The following SEMA3A variants were observed in gnomAD, a reference collection of about 807,000 sequenced individuals.
SEMA3A encodes semaphorin 3A, also known as semaphorin-3A.
In SEMA3A, 29 loss-of-function variants were observed where a neutral mutation model predicts 97.9. The ratio of observed to expected loss-of-function variants is 0.30; its 90% CI spans 0.22 to 0.40. SEMA3A has a LOEUF of 0.40. SEMA3A is among the 10% of genes least tolerant of loss of function. SEMA3A has a pLI of 1.00. For synonymous variants in SEMA3A, 321 were observed against 323.7 expected, an observed-to-expected ratio of 0.99 and a Z score of 0.09; for missense variants, 763 against 951.3, an observed-to-expected ratio of 0.80 and a Z score of 2.60.
chr7:84,208,991 A>T (rs1299711984), intron 3 of SEMA3A, among the ~76,000 whole-genome samples: 1 of 152,228 alleles, frequency 6.6e-6, no homozygotes, highest in Non-Finnish European at 1.5e-5. Context: ...TAACAAATGG[A>T]CTAGTGGCCT....
chr7:84,481,999 A>G (rs1468891399), intron 1 of SEMA3A, among the ~76,000 whole-genome samples: 4 of 151,742 alleles, frequency 2.6e-5, no homozygotes, highest in African/African-American at 9.6e-5. Context: ...TAAGAGTAAT[A>G]TAGCTTCTAC....
chr7:84,335,618 A>G (rs1196164571), intron 2 of SEMA3A, among the ~76,000 whole-genome samples: 1 of 152,132 alleles, frequency 6.6e-6, no homozygotes, highest in Admixed American at 6.6e-5. Flanking sequence ...ACATTTATGA[A>G]CTATGGAACA....
At chr7:84,095,490 T>A (rs1319169422) in intron 4 of SEMA3A, among the ~76,000 whole-genome samples, 1 of 150,612 alleles carries the variant, frequency 6.6e-6, no homozygotes, top group Non-Finnish European at 1.5e-5. Context: ...ATGTCAGACT[T>A]TATCTCTTTG....
chr7:84,462,143 T>C (rs576311001), intron 1 of SEMA3A, among the ~76,000 whole-genome samples: 1 of 152,154 alleles, frequency 6.6e-6, no homozygotes, highest in Non-Finnish European at 1.5e-5. Flanking sequence ...TATAAAGCAT[T>C]TTCCCATACA....
chr7:84,379,040 G>C (rs190139027), intron 1 of SEMA3A, among the ~76,000 whole-genome samples: 119 of 151,996 alleles, frequency 7.8e-4, no homozygotes, highest in African/African-American at 2.5e-3. Context: ...CCGTTCTCCT[G>C]CCTCAGCCTC....
intron 1 of SEMA3A, among the ~76,000 whole-genome samples, chr7:84,426,570 A>C (rs1481312139): frequency 6.6e-6 from 1 of 152,130 alleles, no homozygotes; most frequent in Non-Finnish European, 1.5e-5. Flanking sequence ...ATAACTTTTA[A>C]GAAGAAAATG....
chr7:83,995,337 TC>T (rs1292436998), intron 12 of SEMA3A, among the ~76,000 whole-genome samples: 2 of 151,808 alleles, frequency 1.3e-5, no homozygotes, highest in Non-Finnish European at 1.5e-5. Context: ...TCTTGGCTCC[TC>T]CCCCCAATAA....
intron 2 of SEMA3A, among the ~76,000 whole-genome samples, chr7:84,364,115 T>C (rs1009080725): frequency 1.6e-4 from 24 of 151,856 alleles, no homozygotes; most frequent in African/African-American, 5.5e-4. Flanking sequence ...TTATAGTTGT[T>C]AAATGACATA....
At chr7:84,168,983 C>T (rs1797302185) in intron 1 of SEMA3A, among the ~76,000 whole-genome samples, 1 of 151,672 alleles carries the variant, frequency 6.6e-6, no homozygotes, top group Admixed American at 6.6e-5. Flanking sequence ...TGTCACCTGA[C>T]ATGCTTAAAA....
At chr7:84,424,988 T>C (rs1211664802) in intron 1 of SEMA3A, among the ~76,000 whole-genome samples, 4 of 103,758 alleles carry the variant, frequency 3.9e-5, no homozygotes, top group African/African-American at 4.0e-5. Flanking sequence ...AATTTATAAT[T>C]ATATTTTTAT....
intron 1 of SEMA3A, among the ~76,000 whole-genome samples, chr7:84,409,858 A>T (rs1234717850): frequency 2.0e-5 from 3 of 152,104 alleles, no homozygotes; most frequent in African/African-American, 7.2e-5. Context: ...TACAAATTTT[A>T]TTTATTAGAT....
intron 1 of SEMA3A, among the ~76,000 whole-genome samples, chr7:84,487,040 T>C (rs775617902): frequency 2.0e-5 from 3 of 152,176 alleles, no homozygotes; most frequent in Non-Finnish European, 4.4e-5. Context: ...GCCTCTTTGA[T>C]TTCTTGCTTT....
intron 1 of SEMA3A, among the ~76,000 whole-genome samples, chr7:84,390,841 T>G (rs534192184): frequency 6.6e-6 from 1 of 152,170 alleles, no homozygotes; most frequent in African/African-American, 2.4e-5. Context: ...TGCTGGTGAA[T>G]GAGGAGTTAA....
chr7:84,348,231 A>G (rs1802350724), intron 2 of SEMA3A, among the ~76,000 whole-genome samples: 1 of 152,206 alleles, frequency 6.6e-6, no homozygotes, highest in Non-Finnish European at 1.5e-5. Context: ...GGAAATAAAT[A>G]ACATTTATAG....
chr7:84,362,816 C>G (rs997089053), intron 2 of SEMA3A, among the ~76,000 whole-genome samples: 5 of 151,850 alleles, frequency 3.3e-5, no homozygotes, highest in African/African-American at 4.8e-5. Context: ...ATAATAAACA[C>G]AAAGTAATTG....
chr7:84,042,088 A>G (rs73376888), intron 6 of SEMA3A, among the ~76,000 whole-genome samples: 7,570 of 152,130 alleles, frequency 0.05, 639 homozygotes, highest in African/African-American at 0.17. Context: ...CATATGTTTC[A>G]TCACTGGGTC....
chr7:84,443,795 T>C (rs1805334331), intron 1 of SEMA3A, among the ~76,000 whole-genome samples: 1 of 151,974 alleles, frequency 6.6e-6, no homozygotes, highest in African/African-American at 2.4e-5. Context: ...TGCAAAAAAT[T>C]CTTACCATGA....
At chr7:84,132,736 C>CA (rs1271354446) in intron 2 of SEMA3A, among the ~76,000 whole-genome samples, 1 of 121,508 alleles carries the variant, frequency 8.2e-6, no homozygotes, top group African/African-American at 3.1e-5. Flanking sequence ...AGTGCAATGG[C>CA]ATGATCTCAG....
chr7:84,367,914 T>C (rs777451964), intron 2 of SEMA3A, among the ~76,000 whole-genome samples: 3 of 151,230 alleles, frequency 2.0e-5, no homozygotes, highest in Non-Finnish European at 4.5e-5. Context: ...CTTAGCTTTA[T>C]AAAATATTGT....
Sources: allele counts gnomAD v4.1 joint callset (sites outside exome capture counted in the v4.1 genomes callset), GRCh38; gene constraint gnomAD v4.1.1; transcripts MANE v1.5; gene names NCBI Gene and HGNC (gene_info 2026-07-23, HGNC 2026-07-21).